The following CDKN1A variants were observed in gnomAD, a reference collection of about 807,000 sequenced individuals.
CDKN1A encodes cyclin-dependent kinase inhibitor 1.
Under a neutral mutation model 14.8 loss-of-function variants are expected in CDKN1A, and 14 were observed. That is an observed-to-expected ratio of 0.94 (90% CI 0.62 to 1.48). The LOEUF (loss-of-function observed/expected upper bound fraction) is 1.48. CDKN1A is among the 40% of genes most tolerant of loss of function. CDKN1A has a pLI of 0.00. For missense variants in CDKN1A, 203 were observed against 231.7 expected (o/e 0.88, Z 0.80); for synonymous variants, 92 against 93.5 (o/e 0.98, Z 0.09).
At chr6:36,681,495 A>G (rs1582574153) in intron 1 of CDKN1A, among the ~76,000 whole-genome samples, 3 of 140,978 alleles carry the variant, frequency 2.1e-5, no homozygotes, top group African/African-American at 5.4e-5. Flanking sequence ...CTGGAGTGCA[A>G]TGGCACCATC....
intron 1 of CDKN1A, among the ~76,000 whole-genome samples, chr6:36,680,131 C>T (rs1336997881): frequency 4.6e-5 from 7 of 152,158 alleles, no homozygotes; most frequent in African/African-American, 1.7e-4. Context: ...CAGGCAGCTT[C>T]CCCTCTCCTT....
Position 36,685,853 on chromosome 6 carries a change from C to T in CDKN1A, c.*53C>T. On this transcript the variant is annotated 3_prime_UTR_variant, in exon 3 of 3. Transcript: ENST00000244741. The stretch of plus-strand genomic sequence containing the variant: ...GAAGCGCGAGGGCCTCAAAGGCCCG[C>T]TCTACATCTTCTGCCTTAGTCTCAG... 1 of 1,467,510 alleles carries T rather than the reference C, an allele frequency of 6.8e-7. No individual in the cohort carries two copies. Among genetic ancestry groups the T allele is most frequent in the Non-Finnish European group, 9.5e-7 (1 of 1,047,392 alleles). 90.9% of individuals were successfully genotyped at this position (1,467,510 alleles called of 1,614,324 possible). A position where few individuals can be genotyped will look rare whatever the true frequency, so the allele number is the denominator to read the frequency against.
In CDKN1A at chr6:36,681,263, C is replaced by T. The variant is rs1232551078; in HGVS notation, c.-6+2465C>T. ...ATATTTTGAAAAAACTCCCTAGGTG[C>T]TTTTCTTTCTTTCTTTTTTTCTTTC... is the stretch of plus-strand genomic sequence containing the variant. On this transcript the variant is annotated intron_variant, in intron 1 of 2. Coordinates refer to ENST00000244741, the MANE Select transcript of CDKN1A (RefSeq NM_000389.5). 1.1e-4 allele frequency among the ~76,000 whole-genome samples: 10 copies of T among 92,484 alleles called. No homozygotes were observed. The South Asian group carries it at 1.9e-3, about 17-fold the overall frequency. The allele number at this position is 92,484 out of a possible 152,430, so 60.7% of individuals were successfully genotyped here. A position where few individuals can be genotyped will look rare whatever the true frequency, so the allele number is the denominator to read the frequency against.
intron 1 of CDKN1A, chr6:36,679,056 G>A: frequency 1.1e-6 from 1 of 873,882 alleles, no homozygotes; most frequent in Non-Finnish European, 1.4e-6. Context: ...GGGATTACAA[G>A]TACAGGAATC....
intron 2 of CDKN1A, among the ~76,000 whole-genome samples, chr6:36,685,360 T>C (rs1463536722): frequency 6.6e-6 from 1 of 152,198 alleles, no homozygotes; most frequent in African/African-American, 2.4e-5. Context: ...GAGTGTCCGG[T>C]ACAGGGGCCA....
chr6:36,678,693 C>T (rs1304101473), upstream of CDKN1A: 9 of 985,306 alleles, frequency 9.1e-6, no homozygotes, highest in African/African-American at 3.5e-5. This position sits in a 1 kb window ranked among gnomAD's most constrained non-coding sequence, Gnocchi z 5.7. Flanking sequence ...TATATCAGGG[C>T]CGCGCTGAGC....
In CDKN1A at chr6:36,684,437, C is replaced by A. The variant is rs752126483; in HGVS notation, c.336C>A (p.Asp112Glu). ...GGACAGCAGAGGAAGACCATGTGGA[C>A]CTGTCACTGTCTTGTACCCTTGTGC... ...LQGTAEEDHV[D>E]LSLSCTLVPR... The change falls in exon 2 of 3, where the codon GAC (aspartate) becomes GAA (glutamate). Residue 112 changes from aspartate (D) to glutamate (E), a missense_variant. Asp to Glu is a conservative substitution (Grantham distance 45). Coordinates refer to ENST00000244741, the MANE Select transcript of CDKN1A (RefSeq NM_000389.5). This position sits in a 1 kb window ranked among gnomAD's most constrained non-coding sequence, Gnocchi z 6.0. 1.2e-6 allele frequency: 2 copies of A among 1,613,988 alleles called. No homozygotes were observed. The highest frequency in any genetic ancestry group is 2.2e-5 in the South Asian group (2 of 91,036).
intron 2 of CDKN1A, 84 bp from the exon 3 acceptor site, chr6:36,685,667 G>A: frequency 7.1e-7 from 1 of 1,413,206 alleles, no homozygotes; most frequent in South Asian, 1.1e-5. Context: ...AGGGTGTCCT[G>A]GCCCCCCACT....
At position 36,684,181 on chromosome 6, in the gene CDKN1A, G is replaced by T. The variant is rs1277785976; in HGVS notation, c.80G>T (p.Ser27Ile). The change falls in exon 2 of 3, where the codon AGC becomes ATC. Residue 27 changes from serine (S) to isoleucine (I), a missense_variant. Ser to Ile is a moderately radical substitution (Grantham distance 142). Transcript: ENST00000244741. The surrounding 1 kb of genome is among the most constrained non-coding windows in gnomAD (Gnocchi z 6.0). ...CGCCGCCTCTTCGGCCCAGTGGACA[G>T]CGAGCAGCTGAGCCGCGACTGTGAT... ...ACRRLFGPVD[S>I]EQLSRDCDAL... 6.2e-7 allele frequency: 1 copy of T among 1,611,986 alleles called. No individual in the cohort carries two copies. Among genetic ancestry groups the T allele is most frequent in the African/African-American group, 1.3e-5 (1 of 74,948 alleles).
rs757788203 is a variant in CDKN1A at position 36,684,479 on chromosome 6, G to GGGA, written c.379_380insGAG (p.Gln126_Ala127insGly). 12 of 1,614,114 alleles carry GGGA rather than the reference G, an allele frequency of 7.4e-6. No individual in the cohort carries two copies. Among genetic ancestry groups the GGGA allele is most frequent in the Middle Eastern group, 1.6e-4 (1 of 6,084 alleles). On this transcript the variant is annotated inframe_insertion, in exon 2 of 3. Coordinates refer to ENST00000244741, the MANE Select transcript of CDKN1A (RefSeq NM_000389.5). The surrounding 1 kb of genome is among the most constrained non-coding windows in gnomAD (Gnocchi z 6.0). The stretch of plus-strand genomic sequence containing the variant: ...CCCTTGTGCCTCGCTCAGGGGAGCA[G>GGGA]GCTGAAGGGTCCCCAGGTGGACCTG...
chr6:36,684,602 G>T lies in CDKN1A; in HGVS notation c.445+56G>T, dbSNP rs1164240176. ...AGGGACCAGGATTCTCAGAATCCAT[G>T]GTCCAAGGGCTGACCTGTCTGGTCC... On this transcript the variant is annotated intron_variant, in intron 2 of 2. Coordinates refer to ENST00000244741, the MANE Select transcript of CDKN1A (RefSeq NM_000389.5). This position sits in a 1 kb window ranked among gnomAD's most constrained non-coding sequence, Gnocchi z 6.0. 1.3e-6 allele frequency: 2 copies of T among 1,535,542 alleles called. No homozygotes were observed. Among genetic ancestry groups the T allele is most frequent in the East Asian group, 2.3e-5 (1 of 44,384 alleles).
At chr6:36,676,824 A>G (rs1761708317), upstream of CDKN1A, among the ~76,000 whole-genome samples, 1 of 152,124 alleles carries the variant, frequency 6.6e-6, no homozygotes, top group Non-Finnish European at 1.5e-5. Context: ...GACACTTAGT[A>G]GGTACTTAAG....
intron 1 of CDKN1A, chr6:36,682,818 C>A (rs1762063020): frequency 6.6e-6 from 1 of 152,274 alleles, no homozygotes; most frequent in African/African-American, 2.4e-5. Flanking sequence ...AGACCAGCCA[C>A]CTTTAATTTT....
chr6:36,681,437 C>G (rs1761999340), intron 1 of CDKN1A, among the ~76,000 whole-genome samples: 1 of 129,106 alleles, frequency 7.7e-6, no homozygotes, highest in Non-Finnish European at 1.7e-5. Flanking sequence ...CTTTCTCTTT[C>G]TCTCTTTCTT....
chr6:36,685,049 G>A (rs1268041700), intron 2 of CDKN1A, among the ~76,000 whole-genome samples: 2 of 152,018 alleles, frequency 1.3e-5, no homozygotes, highest in Non-Finnish European at 2.9e-5. Context: ...CATGTTGCCC[G>A]GGCTGGTCTT....
chr6:36,684,297 G>C lies in CDKN1A; in HGVS notation c.196G>C (p.Glu66Gln), dbSNP rs1213488369. 1 of 1,613,426 alleles carries C rather than the reference G, an allele frequency of 6.2e-7. No individual in the cohort carries two copies. Among genetic ancestry groups the C allele is most frequent in the Non-Finnish European group, 8.5e-7 (1 of 1,180,002 alleles). Reference sequence around the variant, plus strand: ...ACCACTGGAGGGTGACTTCGCCTGGGAGCGTGTGCGGGGCCTTGGCCTGCC... The same window carrying C: ...ACCACTGGAGGGTGACTTCGCCTGGCAGCGTGTGCGGGGCCTTGGCCTGCC... ...ETPLEGDFAW[E>Q]RVRGLGLPKL... is the part of the protein sequence containing the mutation. The change falls in exon 2 of 3, where the codon GAG (glutamate) becomes CAG (glutamine). Residue 66 changes from glutamate (E) to glutamine (Q), a missense_variant. Physicochemically the swap from Glu to Gln is conservative, Grantham distance 29. Transcript: ENST00000244741. This position sits in a 1 kb window ranked among gnomAD's most constrained non-coding sequence, Gnocchi z 6.0.
chr6:36,680,293 C>T (rs1288473644), intron 1 of CDKN1A, among the ~76,000 whole-genome samples: 3 of 128,178 alleles, frequency 2.3e-5, no homozygotes, highest in African/African-American at 8.7e-5. Context: ...CGCGCGCGTG[C>T]GTGTCTGCGC....
chr6:36,681,678 C>T (rs1390260624), intron 1 of CDKN1A, among the ~76,000 whole-genome samples: 6 of 149,154 alleles, frequency 4.0e-5, no homozygotes, highest in Admixed American at 2.7e-4. Flanking sequence ...CTGCAAGCTC[C>T]GCCTCCCGGG....
In CDKN1A at chr6:36,682,155, T is replaced by G. The variant is rs753761614; in HGVS notation, c.-5-1942T>G. Among the ~76,000 whole-genome samples, 25 of 152,344 alleles carry G rather than the reference T, an allele frequency of 1.6e-4. No homozygotes were observed. In the South Asian group the frequency reaches 3.1e-3, roughly 19 times the overall value. On this transcript the variant is annotated intron_variant, in intron 1 of 2. Coordinates refer to ENST00000244741, the MANE Select transcript of CDKN1A (RefSeq NM_000389.5). ...CAGGGCAAACAGGCCTGGGTTCAGA[T>G]CCTGGCTGTGCCACTTATGAACTGT...
Sources: allele counts gnomAD v4.1 joint callset (sites outside exome capture counted in the v4.1 genomes callset), GRCh38; gene constraint gnomAD v4.1.1; non-coding constraint Gnocchi (gnomAD v3.1); transcripts MANE v1.5; gene names NCBI Gene and HGNC (gene_info 2026-07-23, HGNC 2026-07-21).